The following HEATR5B variants were observed in gnomAD, a reference collection of about 807,000 sequenced individuals.
HEATR5B encodes HEAT repeat-containing protein 5B.
Under a neutral mutation model 224.1 loss-of-function variants are expected in HEATR5B, and 156 were observed. The observed-to-expected ratio is 0.70, with a 90% confidence interval of 0.61 to 0.80. HEATR5B has a LOEUF of 0.80. Among genes scored for constraint, HEATR5B ranks in the 30% least tolerant of loss-of-function variants. The pLI is 0.00. For synonymous variants in HEATR5B, 1,027 were observed against 893.0 expected (o/e 1.15, Z -2.68); for missense variants, 2,323 against 2,535.5 (o/e 0.92, Z 1.80).
rs753742297 is a variant in HEATR5B at position 37,002,384 on chromosome 2, G to A, written c.5239C>T (p.Leu1747=). 5 of 1,614,206 alleles carry A rather than the reference G, an allele frequency of 3.1e-6. No individual in the cohort carries two copies. The highest frequency in any genetic ancestry group is 3.4e-6 in the Non-Finnish European group (4 of 1,180,028). ...SPSHIATKTR[L]SEESARLVAA... ...ACCAAACGAGCACTTTCTTCTGATA[G>A]TCGAGTTTTAGTGGCTATGTGACTT... The change falls in exon 32 of 36, where the codon CTA becomes TTA. Residue 1747 remains leucine (L), a synonymous_variant. Transcript: ENST00000233099.
intron 21 of HEATR5B, among the ~76,000 whole-genome samples, chr2:37,035,684 T>C (rs1669434537): frequency 6.6e-6 from 1 of 152,170 alleles, no homozygotes; most frequent in African/African-American, 2.4e-5. Flanking sequence ...GCTGACTCCT[T>C]TCCTCTTTTC....
intron 21 of HEATR5B, among the ~76,000 whole-genome samples, chr2:37,035,257 C>A (rs572384551): frequency 1.3e-5 from 2 of 152,280 alleles, no homozygotes; most frequent in South Asian, 4.1e-4. Context: ...ATTTTAACAT[C>A]TGTGATATTA....
chr2:37,050,258 TTTC>T lies in HEATR5B; in HGVS notation c.2506-418_2506-416del, dbSNP rs1308179312. 2.0e-5 allele frequency among the ~76,000 whole-genome samples: 3 copies of T among 152,312 alleles called. No individual in the cohort carries two copies. In the East Asian group the frequency reaches 5.8e-4, roughly 29 times the overall value. On this transcript the variant is annotated intron_variant, in intron 17 of 35. Coordinates refer to ENST00000233099, the MANE Select transcript of HEATR5B (RefSeq NM_019024.3). ...ATATACATACATCTTCATAAGTTAT[TTTC>T]TTCAACCAGTTTTCACATGTATATA...
intron 29 of HEATR5B, 73 bp from the exon 30 acceptor site, chr2:37,005,832 C>T: frequency 8.2e-7 from 1 of 1,222,860 alleles, no homozygotes; most frequent in Non-Finnish European, 1.1e-6. Flanking sequence ...CATATTTCTT[C>T]TCTATTTATG....
At chr2:37,017,604 T>C (rs1321254324) in intron 26 of HEATR5B, among the ~76,000 whole-genome samples, 1 of 148,068 alleles carries the variant, frequency 6.8e-6, no homozygotes, top group African/African-American at 2.5e-5. Context: ...GAGAATCGCT[T>C]GAACCTGGGA....
chr2:37,068,828 T>C lies in HEATR5B; in HGVS notation c.1030A>G (p.Thr344Ala), dbSNP rs1208681310. 2 of 1,614,110 alleles carry C rather than the reference T, an allele frequency of 1.2e-6. No individual in the cohort carries two copies. The highest frequency in any genetic ancestry group is 1.7e-6 in the Non-Finnish European group (2 of 1,180,016). Reference protein sequence around the residue: ...VLDLVSHPRATQTHVEAVYSR... With the variant: ...VLDLVSHPRAAQTHVEAVYSR... ...TACACAGCCTCCACATGTGTTTGTGTTGCCCGAGGATGGGAAACCAGATCA... is the reference window on the plus strand; with the variant it reads ...TACACAGCCTCCACATGTGTTTGTGCTGCCCGAGGATGGGAAACCAGATCA... The change falls in exon 8 of 36, where the codon ACA becomes GCA. Residue 344 changes from threonine (T) to alanine (A), a missense_variant. By Grantham distance (58) the Thr-to-Ala change is moderately conservative. This residue lies in a region of HEATR5B where 502 missense variants were observed against 517.8 expected (regional missense o/e 0.97). Coordinates refer to ENST00000233099, the MANE Select transcript of HEATR5B (RefSeq NM_019024.3).
intron 33 of HEATR5B, among the ~76,000 whole-genome samples, chr2:36,992,861 A>G (rs975230769): frequency 6.6e-6 from 1 of 151,904 alleles, no homozygotes; most frequent in African/African-American, 2.4e-5. Flanking sequence ...AGGAGGTGGG[A>G]CTACAGGCAT....
At chr2:37,057,274 T>C (rs1670971409) in intron 15 of HEATR5B, 43 bp downstream of exon 15, 1 of 1,456,080 alleles carries the variant, frequency 6.9e-7, no homozygotes, top group Non-Finnish European at 9.4e-7. Context: ...AGGACCATTG[T>C]TTCAGATTAA....
At chr2:37,051,367 AAAAAAAAAAAAGGT>A (rs1254658401) in intron 17 of HEATR5B, among the ~76,000 whole-genome samples, 1 of 151,758 alleles carries the variant, frequency 6.6e-6, no homozygotes, top group Non-Finnish European at 1.5e-5. Context: ...AAAAAAAAAA[AAAAAAAAAAAAGGT>A]AAAAATAGTA....
intron 5 of HEATR5B, among the ~76,000 whole-genome samples, chr2:37,074,703 A>T (rs961601599): frequency 4.6e-5 from 7 of 152,248 alleles, no homozygotes; most frequent in African/African-American, 1.7e-4. Flanking sequence ...AAAAGTCAAT[A>T]ATTATAAAAC....
intron 35 of HEATR5B, 140 bp from the exon 36 acceptor site, chr2:36,981,934 GTAAT>G (rs1200937187): frequency 2.6e-5 from 12 of 462,394 alleles, no homozygotes; most frequent in Non-Finnish European, 4.1e-5. Flanking sequence ...TCAATAACTC[GTAAT>G]TAATATTAAA....
intron 18 of HEATR5B, among the ~76,000 whole-genome samples, chr2:37,047,443 T>C (rs1478901655): frequency 6.6e-6 from 1 of 152,232 alleles, no homozygotes; most frequent in Admixed American, 6.5e-5. Context: ...AAGTAACAGG[T>C]TAGTGAACCT....
chr2:37,014,462 A>G (rs1356064365), intron 26 of HEATR5B, among the ~76,000 whole-genome samples: 3 of 151,898 alleles, frequency 2.0e-5, no homozygotes, highest in Non-Finnish European at 4.4e-5. Context: ...GTGCCCAGCC[A>G]GTATTATTTT....
At position 37,070,334 on chromosome 2, in the gene HEATR5B, C is replaced by T. The variant is rs1372483035; in HGVS notation, c.823G>A (p.Ala275Thr). ...GACCCTCCACGCAGAAATCCTGTGG[C>T]CATGAGTTCTAAGACTTCATCAAAT... is the stretch of plus-strand genomic sequence containing the variant. ...ATFDEVLELM[A>T]TGFLRGGSGF... The change falls in exon 7 of 36, where the codon GCC becomes ACC. Residue 275 changes from alanine (A) to threonine (T), a missense_variant. Ala to Thr is a moderately conservative substitution (Grantham distance 58, BLOSUM62 0). Transcript: ENST00000233099. The T allele has an allele frequency of 1.9e-6, 3 of 1,613,768 alleles. No individual in the cohort carries two copies. The highest frequency in any genetic ancestry group is 2.5e-6 in the Non-Finnish European group (3 of 1,179,778).
At chr2:37,034,665 G>A (rs562892443) in intron 21 of HEATR5B, among the ~76,000 whole-genome samples, 3 of 145,302 alleles carry the variant, frequency 2.1e-5, no homozygotes, top group East Asian at 2.1e-4. Context: ...GGTGTGCAGT[G>A]TCACAATCAC....
Position 36,988,725 on chromosome 2 carries a change from G to A in HEATR5B, c.5832C>T (p.Ala1944=). The A allele has an allele frequency of 6.2e-7, 1 of 1,614,052 alleles. No individual in the cohort carries two copies. The highest frequency in any genetic ancestry group is 8.5e-7 in the Non-Finnish European group (1 of 1,179,984). ...GAACCGCTAAAAGCTCTATGTTACT[G>A]GCTGGTCTGTTTCTTTCAACAGCTT... The part of the protein sequence containing the change: ...KLKAVERNRP[A]SNIELLAVQE... Residue 1944 remains alanine, a synonymous_variant, in exon 35 of 36, where the codon GCC becomes GCT. Coordinates refer to ENST00000233099, the MANE Select transcript of HEATR5B (RefSeq NM_019024.3).
In HEATR5B at chr2:36,982,863, T is replaced by TACACACCCACACACAC. The variant is rs1665674342; in HGVS notation, c.5912-1070_5912-1069insGTGTGTGTGGGTGTGT. 4.8e-5 allele frequency among the ~76,000 whole-genome samples: 6 copies of TACACACCCACACACAC among 126,002 alleles called. No homozygotes were observed. The Admixed American group carries it at 5.0e-4, about 10-fold the overall frequency. 82.7% of individuals were successfully genotyped at this position (126,002 alleles called of 152,430 possible). ...CATGTCTACATATAACAGACACAGA[T>TACACACCCACACACAC]ACACACACACACACACACACACACA... On this transcript the variant is annotated intron_variant, in intron 35 of 35. Coordinates refer to ENST00000233099, the MANE Select transcript of HEATR5B (RefSeq NM_019024.3).
At chr2:37,003,771 T>C (rs1412013966) in intron 30 of HEATR5B, 85 bp from the exon 31 acceptor site, 4 of 937,040 alleles carry the variant, frequency 4.3e-6, no homozygotes, top group East Asian at 3.1e-5. Context: ...AAAATACCTA[T>C]GTAAAAAAAG....
intron 4 of HEATR5B, 60 bp from the exon 5 acceptor site, chr2:37,075,694 C>A: frequency 7.3e-7 from 1 of 1,374,914 alleles, no homozygotes; most frequent in South Asian, 1.4e-5. Flanking sequence ...TAAACAAGAA[C>A]ACACCAAGAC....
Sources: gnomAD v4.1 joint callset for allele counts (sites outside exome capture counted in the v4.1 genomes callset) on GRCh38, gnomAD v4.1.1 for gene constraint, gnomAD v4.1.1 regional missense constraint, MANE v1.5 for transcripts, NCBI Gene and HGNC (gene_info 2026-07-23, HGNC 2026-07-21) for gene names.